Variants in TESK2 observed in about 807,000 individuals in gnomAD.
TESK2 encodes the protein dual specificity testis-specific protein kinase 2.
Under a neutral mutation model 57.1 loss-of-function variants are expected in TESK2, and 39 were observed. That is an observed-to-expected ratio of 0.68 (90% CI 0.53 to 0.89). The LOEUF (loss-of-function observed/expected upper bound fraction) is 0.89. Among genes scored for constraint, TESK2 ranks in the 40% least tolerant of loss-of-function variants. TESK2 has a pLI of 0.00. For missense variants in TESK2, 646 were observed against 732.1 expected, an observed-to-expected ratio of 0.88 and a Z score of 1.36; for synonymous variants, 249 against 267.9, an observed-to-expected ratio of 0.93 and a Z score of 0.69.
rs1372521202 is a variant in TESK2, at chr1:45,355,360, T to G, written c.483A>C (p.Ala161=). The part of the protein sequence containing the change: ...TVRVKLAYDI[A]VGLSYLHFKG... ...TGAAGTGAAGGTAGCTGAGGCCCAC[T>G]GCTATGTCATAGGCCAGTTTTACCC... The change falls in exon 5 of 11, where the codon GCA becomes GCC. Residue 161 remains alanine (A), a synonymous_variant. Coordinates refer to ENST00000372086, the MANE Select transcript of TESK2 (RefSeq NM_007170.3). 1.2e-6 allele frequency: 2 copies of G among 1,613,878 alleles called. No individual in the cohort carries two copies. The highest frequency in any genetic ancestry group is 2.7e-5 in the African/African-American group (2 of 74,900).
At chr1:45,419,329 C>A (rs1209234834) in intron 3 of TESK2, among the ~76,000 whole-genome samples, 1 of 152,182 alleles carries the variant, frequency 6.6e-6, no homozygotes, top group East Asian at 1.9e-4. Flanking sequence ...ACTCCTAAGG[C>A]ACTTAAGAGT....
chr1:45,356,637 G>C (rs1405242856), intron 4 of TESK2, among the ~76,000 whole-genome samples: 1 of 133,278 alleles, frequency 7.5e-6, no homozygotes, highest in Non-Finnish European at 1.6e-5. Flanking sequence ...AAAAAAAAAA[G>C]ATAGTGAGTT....
At chr1:45,467,002 A>G (rs1462084984) in intron 1 of TESK2, among the ~76,000 whole-genome samples, 2 of 152,124 alleles carry the variant, frequency 1.3e-5, no homozygotes, top group African/African-American at 4.8e-5. Flanking sequence ...GTGAACATCT[A>G]AAAGCATGAA....
intron 1 of TESK2, among the ~76,000 whole-genome samples, chr1:45,462,588 T>C (rs191213304): frequency 2.6e-5 from 4 of 152,334 alleles, no homozygotes; most frequent in Non-Finnish European, 1.5e-5. Flanking sequence ...CTCATTTTTT[T>C]ATGGCTGAAT....
intron 2 of TESK2, among the ~76,000 whole-genome samples, chr1:45,436,343 C>T (rs189562299): frequency 1.4e-3 from 217 of 150,630 alleles, no homozygotes; most frequent in Non-Finnish European, 1.5e-3. Context: ...CACCACCACA[C>T]CTGGATAATT....
At chr1:45,473,856 G>A (rs1398586847) in intron 1 of TESK2, among the ~76,000 whole-genome samples, 1 of 150,552 alleles carries the variant, frequency 6.6e-6, no homozygotes, top group Non-Finnish European at 1.5e-5. Flanking sequence ...TAGTGCAGTG[G>A]CTCAACCATA....
chr1:45,355,524 A>G (rs1476420477), intron 4 of TESK2, 75 bp from the exon 5 acceptor site: 1 of 1,513,738 alleles, frequency 6.6e-7, no homozygotes, highest in African/African-American at 1.4e-5. Context: ...TTAGAGAGTA[A>G]ACACCTGGAA....
At chr1:45,448,081 TA>T (rs1651711688) in intron 2 of TESK2, among the ~76,000 whole-genome samples, 3 of 138,172 alleles carry the variant, frequency 2.2e-5, no homozygotes, top group Non-Finnish European at 4.7e-5. Flanking sequence ...ACAAAAAAAA[TA>T]CAAAAATTAG....
intron 3 of TESK2, among the ~76,000 whole-genome samples, chr1:45,418,987 T>C (rs1650355538): frequency 6.6e-6 from 1 of 151,834 alleles, no homozygotes; most frequent in Non-Finnish European, 1.5e-5. Context: ...GACCCTTTTT[T>C]TTTTTTTTTG....
chr1:45,451,262 G>T (rs999589204), intron 2 of TESK2, among the ~76,000 whole-genome samples: 1 of 152,202 alleles, frequency 6.6e-6, no homozygotes, highest in Non-Finnish European at 1.5e-5. Flanking sequence ...TTATTTTGAA[G>T]TGGGAGTGGG....
chr1:45,406,007 G>T (rs895475512), intron 3 of TESK2, among the ~76,000 whole-genome samples: 3 of 152,156 alleles, frequency 2.0e-5, no homozygotes, highest in African/African-American at 7.2e-5. Flanking sequence ...AGGACTGCTT[G>T]AGCCCAGAAG....
chr1:45,479,674 T>A lies in TESK2; in HGVS notation c.-87+11178A>T, dbSNP rs188639780. On this transcript the variant is annotated intron_variant, in intron 1 of 10. Transcript: ENST00000372086. ...CTCCACACTTGTTCCAAAGACAAAT[T>A]AATAAATAACACCATATTTAATCTG... 5.3e-3 allele frequency among the ~76,000 whole-genome samples: 804 copies of A among 152,146 alleles called. 4 individuals are homozygous for A. Among genetic ancestry groups the A allele is most frequent in the Non-Finnish European group, 9.1e-3 (622 of 67,990 alleles).
chr1:45,390,882 A>C (rs1649107434), intron 3 of TESK2, among the ~76,000 whole-genome samples: 1 of 149,798 alleles, frequency 6.7e-6, no homozygotes, highest in African/African-American at 2.5e-5. Context: ...TGCTGAGCTT[A>C]CAGGCGTGAG....
intron 2 of TESK2, among the ~76,000 whole-genome samples, chr1:45,424,896 A>G (rs1406332991): frequency 6.6e-6 from 1 of 151,696 alleles, no homozygotes; most frequent in Admixed American, 6.6e-5. Flanking sequence ...TCAAAAAACT[A>G]GGTATAGAAG....
At chr1:45,368,626 C>T (rs183513032) in intron 4 of TESK2, among the ~76,000 whole-genome samples, 54 of 151,542 alleles carry the variant, frequency 3.6e-4, no homozygotes, top group Non-Finnish European at 4.9e-4. Context: ...CCACCTGCCT[C>T]GGCCTCCCAA....
intron 3 of TESK2, among the ~76,000 whole-genome samples, chr1:45,394,679 C>CTTTTTTTTT (rs5773871): frequency 3.5e-4 from 20 of 57,426 alleles, no homozygotes; most frequent in Admixed American, 5.6e-4. Context: ...ACAGGAAACT[C>CTTTTTTTTT]TTTTTTTTTT....
chr1:45,361,955 T>C (rs1647706969), intron 4 of TESK2, among the ~76,000 whole-genome samples: 2 of 152,126 alleles, frequency 1.3e-5, no homozygotes, highest in South Asian at 2.1e-4. Flanking sequence ...CTGGGCAACA[T>C]AGCAAGACCC....
intron 4 of TESK2, among the ~76,000 whole-genome samples, chr1:45,374,027 G>A (rs1417003065): frequency 6.6e-5 from 10 of 152,204 alleles, no homozygotes; most frequent in Admixed American, 5.9e-4. Context: ...GAATTCAAGT[G>A]TCACACTAGT....
chr1:45,466,671 A>G (rs1439567294), intron 1 of TESK2, among the ~76,000 whole-genome samples: 1 of 148,218 alleles, frequency 6.7e-6, no homozygotes, highest in East Asian at 1.9e-4. Context: ...ATAATAATAT[A>G]TATTATATAT....
Sources: gnomAD v4.1 joint callset for allele counts (sites outside exome capture counted in the v4.1 genomes callset) on GRCh38, gnomAD v4.1.1 for gene constraint, MANE v1.5 for transcripts, NCBI Gene and HGNC (gene_info 2026-07-23, HGNC 2026-07-21) for gene names.